The following XKR4 variants were observed in gnomAD, a reference collection of about 807,000 sequenced individuals.
XKR4 encodes the protein XK related 4, also known as XK-related protein 4.
A neutral mutation model predicts 53.9 loss-of-function variants in XKR4; 12 were observed. That is an observed-to-expected ratio of 0.22 (90% CI 0.14 to 0.36). The LOEUF is 0.36. Among genes scored for constraint, XKR4 ranks in the 10% least tolerant of loss-of-function variants. The pLI is 1.00. For synonymous variants in XKR4, 354 were observed against 362.4 expected, an observed-to-expected ratio of 0.98 and a Z score of 0.26; for missense variants, 799 against 859.5, an observed-to-expected ratio of 0.93 and a Z score of 0.88.
chr8:55,123,921 G>A (rs886286676), intron 1 of XKR4, among the ~76,000 whole-genome samples: 4 of 152,138 alleles, frequency 2.6e-5, no homozygotes, highest in Non-Finnish European at 5.9e-5. Context: ...AAAAATCAAT[G>A]GCAAGAGTAA....
intron 1 of XKR4, among the ~76,000 whole-genome samples, chr8:55,167,007 GA>G (rs1311269629): frequency 1.1e-4 from 16 of 152,194 alleles, no homozygotes; most frequent in Admixed American, 9.2e-4. Flanking sequence ...AGAGAGGATG[GA>G]AACTTAGACT....
At chr8:55,472,555 G>A (rs1355041918) in intron 2 of XKR4, among the ~76,000 whole-genome samples, 2 of 152,076 alleles carry the variant, frequency 1.3e-5, no homozygotes, top group African/African-American at 4.8e-5. Context: ...TTGGAGTGTG[G>A]CTGCAGCAGA....
At chr8:55,294,125 C>A (rs550609302) in intron 1 of XKR4, among the ~76,000 whole-genome samples, 1 of 152,158 alleles carries the variant, frequency 6.6e-6, no homozygotes, top group Non-Finnish European at 1.5e-5. Flanking sequence ...TATTATCCAC[C>A]ATTATGATTT....
chr8:55,287,450 G>T lies in XKR4; in HGVS notation c.807-70228G>T, dbSNP rs766867642. Among the ~76,000 whole-genome samples the T allele has an allele frequency of 9.7e-4, 148 of 152,188 alleles. 1 individual carries two copies. Among genetic ancestry groups the T allele is most frequent in the Non-Finnish European group, 2.9e-4 (20 of 68,034 alleles). On this transcript the variant is annotated intron_variant, in intron 1 of 2. Transcript: ENST00000327381. ...CTATGCTGGTGAGCGTACCCATTAG[G>T]AATCCCAATATCCAAGATGTTTCAG...
At position 55,393,843 on chromosome 8, in the gene XKR4, GTAAA is replaced by G. The variant is rs1315795582; in HGVS notation, c.1006+35972_1006+35975del. On this transcript the variant is annotated intron_variant, in intron 2 of 2. Coordinates refer to ENST00000327381, the MANE Select transcript of XKR4 (RefSeq NM_052898.2). ...AAACATAAATGCCTCCTTTTTCCAAGTAAATAAATGAGATCCAGAATTTTCTCTT... is the reference window on the plus strand; with the variant it reads ...AAACATAAATGCCTCCTTTTTCCAAGTAAATGAGATCCAGAATTTTCTCTT... 9.8e-4 allele frequency among the ~76,000 whole-genome samples: 149 copies of G among 152,116 alleles called. 3 individuals carry two copies. Among genetic ancestry groups the G allele is most frequent in the Non-Finnish European group, 2.2e-4 (15 of 68,018 alleles).
intron 1 of XKR4, among the ~76,000 whole-genome samples, chr8:55,103,887 A>ATC (rs1313377591): frequency 1.1e-4 from 15 of 132,278 alleles, no homozygotes; most frequent in Non-Finnish European, 1.9e-4. Flanking sequence ...ATATATATAT[A>ATC]TATATATCCC....
intron 1 of XKR4, among the ~76,000 whole-genome samples, chr8:55,333,823 C>T (rs950212318): frequency 2.0e-5 from 3 of 152,134 alleles, no homozygotes; most frequent in Non-Finnish European, 2.9e-5. Context: ...TGGAGCACTG[C>T]TTTCCCCAGA....
chr8:55,128,502 A>T (rs1397985431), intron 1 of XKR4, among the ~76,000 whole-genome samples: 3 of 152,212 alleles, frequency 2.0e-5, no homozygotes, highest in African/African-American at 7.2e-5. Flanking sequence ...AGACACAGGG[A>T]TGCAGAGTGA....
At position 55,130,011 on chromosome 8, in the gene XKR4, G is replaced by T. The variant is rs141769438; in HGVS notation, c.806+26717G>T. 6.3e-3 allele frequency among the ~76,000 whole-genome samples: 955 copies of T among 152,270 alleles called. 4 individuals carry two copies. The highest frequency in any genetic ancestry group is 0.014 in the Middle Eastern group (4 of 294). ...GCAAGGCTATCCGCGGAGGTGTGGG[G>T]TGTGGGTAGAGCAGGATTACAAGTT... On this transcript the variant is annotated intron_variant, in intron 1 of 2. Coordinates refer to ENST00000327381, the MANE Select transcript of XKR4 (RefSeq NM_052898.2).
intron 2 of XKR4, chr8:55,453,842 G>A (rs559572297): frequency 7.2e-5 from 37 of 513,050 alleles, no homozygotes; most frequent in African/African-American, 6.1e-4. Flanking sequence ...CACATCGTGG[G>A]CCACCAGCTC....
intron 1 of XKR4, among the ~76,000 whole-genome samples, chr8:55,298,801 G>A (rs1819138034): frequency 6.6e-6 from 1 of 152,122 alleles, no homozygotes; most frequent in Non-Finnish European, 1.5e-5. Context: ...TATATGTCAT[G>A]CAAATATAAA....
intron 1 of XKR4, among the ~76,000 whole-genome samples, chr8:55,180,177 A>T (rs1054625354): frequency 2.0e-5 from 3 of 152,260 alleles, no homozygotes; most frequent in African/African-American, 7.2e-5. Flanking sequence ...GAGGTAGTTT[A>T]TAATGACCAT....
At chr8:55,225,681 C>T (rs1368781187) in intron 1 of XKR4, among the ~76,000 whole-genome samples, 1 of 152,206 alleles carries the variant, frequency 6.6e-6, no homozygotes, top group East Asian at 1.9e-4. Context: ...TGAATGCCCA[C>T]ATGAACGTAT....
At position 55,537,171 on chromosome 8, in the gene XKR4, T is replaced by C. The variant is rs1807041734; in HGVS notation, c.*12944T>C. ...GTCATGCCAATTTCCAAGCACCAAC[T>C]GGTTACCACAAACATGGGAATATTT... On this transcript the variant is annotated 3_prime_UTR_variant, in exon 3 of 3. Coordinates refer to ENST00000327381, the MANE Select transcript of XKR4 (RefSeq NM_052898.2). 6.6e-6 allele frequency: 1 copy of C among 152,218 alleles called. No homozygotes were observed. The highest frequency in any genetic ancestry group is 2.4e-5 in the African/African-American group (1 of 41,464). The allele number at this position is 152,218 out of a possible 1,614,324, so 9.4% of individuals were successfully genotyped here.
At chr8:55,305,264 A>G (rs955917026) in intron 1 of XKR4, among the ~76,000 whole-genome samples, 1 of 152,170 alleles carries the variant, frequency 6.6e-6, no homozygotes, top group African/African-American at 2.4e-5. Context: ...CAGGTCCAAT[A>G]CCAGACATCT....
At chr8:55,517,880 G>A (rs1282870861) in intron 2 of XKR4, 1 of 152,062 alleles carries the variant, frequency 6.6e-6, no homozygotes, top group Non-Finnish European at 1.5e-5. Flanking sequence ...TTTTTTGTAT[G>A]TTTGTAAATG....
chr8:55,233,053 G>A (rs1470299631), intron 1 of XKR4, among the ~76,000 whole-genome samples: 1 of 152,308 alleles, frequency 6.6e-6, no homozygotes, highest in African/African-American at 2.4e-5. Context: ...GTATCTGGAG[G>A]GCTGGATGAC....
rs370255390 is a variant in XKR4, at chr8:55,355,951, G to A, written c.807-1727G>A. Among the ~76,000 whole-genome samples, 25 of 152,258 alleles carry A rather than the reference G, an allele frequency of 1.6e-4. 1 individual carries two copies. In the South Asian group the frequency reaches 5.2e-3, roughly 32 times the overall value. ...GGTACCAATCTCCAACTAAAACTGTGAAACTTTTGGGTCTGTGTAACCAAA... is the reference window on the plus strand; with the variant it reads ...GGTACCAATCTCCAACTAAAACTGTAAAACTTTTGGGTCTGTGTAACCAAA... On this transcript the variant is annotated intron_variant, in intron 1 of 2. Coordinates refer to ENST00000327381, the MANE Select transcript of XKR4 (RefSeq NM_052898.2).
chr8:55,237,116 C>T (rs948507334), intron 1 of XKR4, among the ~76,000 whole-genome samples: 2 of 152,218 alleles, frequency 1.3e-5, no homozygotes, highest in African/African-American at 4.8e-5. Flanking sequence ...TCCTCTGAGT[C>T]CACATAACTT....
Sources: gnomAD v4.1 joint callset for allele counts (sites outside exome capture counted in the v4.1 genomes callset) on GRCh38, gnomAD v4.1.1 for gene constraint, MANE v1.5 for transcripts, NCBI Gene and HGNC (gene_info 2026-07-23, HGNC 2026-07-21) for gene names.